KCTD20: variants seen among roughly 807,000 people sequenced by gnomAD.
KCTD20 encodes the protein potassium channel tetramerization domain containing 20, also known as BTB/POZ domain-containing protein KCTD20.
A neutral mutation model predicts 39.6 loss-of-function variants in KCTD20; 30 were observed. The ratio of observed to expected loss-of-function variants is 0.76; its 90% CI spans 0.57 to 1.03. The LOEUF is 1.03. Ranked by LOEUF, KCTD20 falls within the 50% of genes least tolerant of loss-of-function variation. The pLI, the probability that KCTD20 is intolerant of heterozygous loss-of-function variation, is 0.00. For synonymous variants in KCTD20, 162 were observed against 180.6 expected, an observed-to-expected ratio of 0.90 and a Z score of 0.83; for missense variants, 422 against 522.0, an observed-to-expected ratio of 0.81 and a Z score of 1.87.
intron 3 of KCTD20, among the ~76,000 whole-genome samples, chr6:36,475,275 A>C (rs1285191690): frequency 6.6e-6 from 1 of 151,936 alleles, no homozygotes; most frequent in Non-Finnish European, 1.5e-5. Context: ...GTGAAACCCT[A>C]TCTCTACTAA....
rs542621176 is a variant in KCTD20 at position 36,459,220 on chromosome 6, G to A, written c.-46-10832G>A. Among the ~76,000 whole-genome samples the A allele has an allele frequency of 1.6e-4, 25 of 152,294 alleles. 2 individuals carry two copies. In the South Asian group the frequency reaches 5.2e-3, roughly 32 times the overall value. Reference sequence around the variant, plus strand: ...CCAGCTACTCGGGAGGCTGAGGCAGGAGAATCGCTTGAACTCGGAGGCAGA... The same window carrying A: ...CCAGCTACTCGGGAGGCTGAGGCAGAAGAATCGCTTGAACTCGGAGGCAGA... On this transcript the variant is annotated intron_variant, in intron 1 of 7. Coordinates refer to ENST00000373731, the MANE Select transcript of KCTD20 (RefSeq NM_173562.5).
chr6:36,485,622 T>C lies in KCTD20; in HGVS notation c.967+798T>C, dbSNP rs551824213. Among the ~76,000 whole-genome samples, 24 of 151,282 alleles carry C rather than the reference T, an allele frequency of 1.6e-4. 1 individual carries two copies. In the South Asian group the frequency reaches 4.6e-3, roughly 29 times the overall value. The stretch of plus-strand genomic sequence containing the variant: ...CATTCTTCTGCCTCAGCCTCTCGAG[T>C]AGCTGGGACTACAGGCACCCGCAAC... On this transcript the variant is annotated intron_variant, in intron 7 of 7. Coordinates refer to ENST00000373731, the MANE Select transcript of KCTD20 (RefSeq NM_173562.5).
intron 2 of KCTD20, among the ~76,000 whole-genome samples, chr6:36,472,281 C>T (rs1775934653): frequency 6.6e-6 from 1 of 152,184 alleles, no homozygotes; most frequent in South Asian, 2.1e-4. Flanking sequence ...GGTGTGCAAA[C>T]ATGAGACCAC....
intron 1 of KCTD20, among the ~76,000 whole-genome samples, chr6:36,458,053 A>C (rs983793290): frequency 4.6e-5 from 7 of 151,978 alleles, no homozygotes; most frequent in Admixed American, 3.3e-4. Flanking sequence ...GCATTAAAAA[A>C]ATCTAGCCTT....
intron 1 of KCTD20, among the ~76,000 whole-genome samples, chr6:36,449,591 C>T (rs1346044848): frequency 1.3e-5 from 2 of 152,166 alleles, no homozygotes; most frequent in Non-Finnish European, 2.9e-5. Context: ...TCTCCAATTG[C>T]GTTTACAATC....
At chr6:36,449,362 C>T (rs991061894) in intron 1 of KCTD20, among the ~76,000 whole-genome samples, 1 of 148,248 alleles carries the variant, frequency 6.7e-6, no homozygotes, top group Non-Finnish European at 1.5e-5. Flanking sequence ...GGTGCATTTA[C>T]AAACCTTTAG....
intron 5 of KCTD20, 25 bp downstream of exon 5, chr6:36,479,736 T>G: frequency 6.4e-7 from 1 of 1,556,160 alleles, no homozygotes; most frequent in Non-Finnish European, 8.7e-7. Context: ...AGGTGCCAGC[T>G]GCACTTAAGC....
intron 1 of KCTD20, among the ~76,000 whole-genome samples, chr6:36,466,414 C>T (rs1775756913): frequency 1.4e-5 from 2 of 145,772 alleles, no homozygotes; most frequent in South Asian, 4.3e-4. Flanking sequence ...CAGGGTCTTG[C>T]TCTGCTGCTC....
At chr6:36,478,097 A>AAAAAAAAAAAG (rs1176271215) in intron 3 of KCTD20, among the ~76,000 whole-genome samples, 1 of 146,730 alleles carries the variant, frequency 6.8e-6, no homozygotes, top group African/African-American at 2.5e-5. Flanking sequence ...TCCATCTCAA[A>AAAAAAAAAAAG]AAAAAAAAGA....
At chr6:36,446,904 C>T (rs1775064219) in intron 1 of KCTD20, among the ~76,000 whole-genome samples, 1 of 152,038 alleles carries the variant, frequency 6.6e-6, no homozygotes, top group Non-Finnish European at 1.5e-5. Flanking sequence ...CGTTCTATAC[C>T]AGCCACTTAC....
intron 3 of KCTD20, among the ~76,000 whole-genome samples, chr6:36,477,366 T>C (rs1296332299): frequency 1.3e-5 from 2 of 152,234 alleles, no homozygotes; most frequent in African/African-American, 2.4e-5. Context: ...TAGACTTCAT[T>C]CAACCAGAGC....
chr6:36,467,318 A>ACTTTTTTTTTTTTTTTTT (rs1775785216), intron 1 of KCTD20, among the ~76,000 whole-genome samples: 1 of 29,850 alleles, frequency 3.4e-5, no homozygotes, highest in Non-Finnish European at 6.0e-5. Flanking sequence ...ATCCTTCAGG[A>ACTTTTTTTTTTTTTTTTT]TTTTTTTTTT....
chr6:36,467,439 T>C (rs1775792260), intron 1 of KCTD20, among the ~76,000 whole-genome samples: 1 of 132,238 alleles, frequency 7.6e-6, no homozygotes, highest in Non-Finnish European at 1.6e-5. Flanking sequence ...CCCAGGTTCA[T>C]GCCATTCTCC....
At chr6:36,471,769 A>G (rs1268274465) in intron 2 of KCTD20, among the ~76,000 whole-genome samples, 1 of 152,166 alleles carries the variant, frequency 6.6e-6, no homozygotes, top group East Asian at 1.9e-4. Flanking sequence ...GGGTTTCGGA[A>G]TAAACCCATT....
At chr6:36,481,892 C>CT (rs1694103211) in intron 6 of KCTD20, 133 bp downstream of exon 6, 2 of 741,364 alleles carry the variant, frequency 2.7e-6, no homozygotes, top group Non-Finnish European at 2.3e-6. Flanking sequence ...TGACAAATCC[C>CT]TAGTGACGCA....
chr6:36,475,200 C>G lies in KCTD20; in HGVS notation c.434+138C>G. ...GTGGCTCACGTCTGTAATCCCAGCA[C>G]TTTGGGAGGTCGAGGCAGGCAGATC... On this transcript the variant is annotated intron_variant, in intron 3 of 7. Transcript: ENST00000373731. The G allele has an allele frequency of 3.7e-6, 3 of 807,788 alleles. No homozygotes were observed. In the Admixed American group the frequency reaches 8.7e-5, roughly 24 times the overall value. The allele number at this position is 807,788 out of a possible 1,614,324, so 50.0% of individuals were successfully genotyped here. A position where few individuals can be genotyped will look rare whatever the true frequency, so the allele number is the denominator to read the frequency against.
At chr6:36,456,997 T>A (rs1221703778) in intron 1 of KCTD20, among the ~76,000 whole-genome samples, 1 of 152,120 alleles carries the variant, frequency 6.6e-6, no homozygotes, top group Non-Finnish European at 1.5e-5. Flanking sequence ...GAGACGGGGT[T>A]TTGCCATGTG....
In KCTD20 at chr6:36,487,564, T is replaced by C. The variant is rs996246297; in HGVS notation, c.*389T>C. On this transcript the variant is annotated 3_prime_UTR_variant, in exon 8 of 8. Coordinates refer to ENST00000373731, the MANE Select transcript of KCTD20 (RefSeq NM_173562.5). ...TTTGTCTTGTTTTATACCAGGCAAA[T>C]TGCTTAGTAGCAAAGGGACCAAACT... is the stretch of plus-strand genomic sequence containing the variant. 3.0e-4 allele frequency: 50 copies of C among 166,528 alleles called. 1 individual carries two copies. The highest frequency in any genetic ancestry group is 9.0e-5 in the Non-Finnish European group (7 of 77,518). 10.3% of individuals were successfully genotyped at this position (166,528 alleles called of 1,614,324 possible). A position where few individuals can be genotyped will look rare whatever the true frequency, so the allele number is the denominator to read the frequency against.
Position 36,470,237 on chromosome 6 carries a change from C to T in KCTD20, c.140C>T (p.Pro47Leu), listed in dbSNP as rs1775872447. ...ASSGPHNLTY[P>L]LGPRNEDLSL... The stretch of plus-strand genomic sequence containing the variant: ...TCTGGTCCTCATAATCTTACTTATC[C>T]TCTAGGTCCCAGGAATGAAGGTACA... Residue 47 changes from proline to leucine, a missense_variant, in exon 2 of 8, where the codon CCT (proline) becomes CTT (leucine). Transcript: ENST00000373731. 2 of 1,612,188 alleles carry T rather than the reference C, an allele frequency of 1.2e-6. No individual in the cohort carries two copies. Among genetic ancestry groups the T allele is most frequent in the East Asian group, 2.2e-5 (1 of 44,808 alleles).
Sources: gnomAD v4.1 joint callset for allele counts (sites outside exome capture counted in the v4.1 genomes callset) on GRCh38, gnomAD v4.1.1 for gene constraint, MANE v1.5 for transcripts, NCBI Gene and HGNC (gene_info 2026-07-23, HGNC 2026-07-21) for gene names.